LIMCH1: variants seen among roughly 807,000 people sequenced by gnomAD.
The protein encoded by LIMCH1 is LIM and calponin homology domains-containing protein 1.
In LIMCH1, 113 loss-of-function variants were observed where a neutral mutation model predicts 176.5. The observed-to-expected ratio is 0.64, with a 90% CI of 0.55 to 0.75. LIMCH1 has a LOEUF of 0.75. Ranked by LOEUF, LIMCH1 falls within the 30% of genes least tolerant of loss-of-function variation. LIMCH1 has a pLI of 0.00. For synonymous variants in LIMCH1, 619 were observed against 645.9 expected, an observed-to-expected ratio of 0.96 and a Z score of 0.63; for missense variants, 1,674 against 1,814.9, an observed-to-expected ratio of 0.92 and a Z score of 1.41.
Position 41,620,603 on chromosome 4 carries a change from A to C in LIMCH1, c.638A>C (p.Glu213Ala). The change falls in exon 7 of 32, where the codon GAA becomes GCA. Residue 213 changes from glutamate (E) to alanine (A), a missense_variant. By Grantham distance (107) the Glu-to-Ala change is moderately radical (BLOSUM62 -1). This residue lies in a region of LIMCH1 where 655 missense variants were observed against 692.2 expected (regional missense o/e 0.95). Transcript: ENST00000503057. Reference sequence around the variant, plus strand: ...GTGGTGGCACCAGCTCCCAAGTCTGAAGAAAAAGATGCTGCTGAGATCCAA... The same window carrying C: ...GTGGTGGCACCAGCTCCCAAGTCTGCAGAAAAAGATGCTGCTGAGATCCAA... ...GAVVAPAPKS[E>A]EKDAAEIQKR... The C allele has an allele frequency of 6.5e-7, 1 of 1,536,204 alleles. No individual in the cohort carries two copies. The highest frequency in any genetic ancestry group is 2.4e-5 in the East Asian group (1 of 40,910).
At chr4:41,433,071 A>G (rs1475436160) in intron 1 of LIMCH1, among the ~76,000 whole-genome samples, 1 of 152,256 alleles carries the variant, frequency 6.6e-6, no homozygotes, top group African/African-American at 2.4e-5. Context: ...TTTGCATATC[A>G]CATTCTCTTA....
intron 21 of LIMCH1, among the ~76,000 whole-genome samples, chr4:41,668,878 G>A (rs1358062541): frequency 2.0e-5 from 3 of 152,090 alleles, no homozygotes; most frequent in African/African-American, 4.8e-5. Flanking sequence ...CTTGTGTAGG[G>A]AAACTTCCCT....
chr4:41,626,578 A>G, intron 7 of LIMCH1, 130 bp from the exon 8 acceptor site: 1 of 774,058 alleles, frequency 1.3e-6, no homozygotes, highest in Non-Finnish European at 2.0e-6. Flanking sequence ...TGAAATAATG[A>G]ACAGATGTCA....
chr4:41,467,835 G>A (rs62411128), intron 1 of LIMCH1, among the ~76,000 whole-genome samples: 16,541 of 152,248 alleles, frequency 0.11, 980 homozygotes, highest in African/African-American at 0.15. Context: ...CATTGTGCTT[G>A]TAGGTACCCC....
chr4:41,613,232 A>T (rs200610368), intron 4 of LIMCH1: 4 of 858,874 alleles, frequency 4.7e-6, no homozygotes, highest in African/African-American at 1.7e-5. Flanking sequence ...TTATTTGGGG[A>T]TTTTTTTAAA....
chr4:41,626,766 A>G lies in LIMCH1; in HGVS notation c.784A>G (p.Asn262Asp). The change falls in exon 8 of 32, where the codon AAC (asparagine) becomes GAC (aspartate). Residue 262 changes from asparagine to aspartate, a missense_variant. Physicochemically the swap from Asn to Asp is conservative, Grantham distance 23 (BLOSUM62 1). Transcript: ENST00000503057. Reference sequence around the variant, plus strand: ...TCGTGATATTGTCCTTCGCAAAGAAAACTCTTTCCTGACCCACCAACATGG... The same window carrying G: ...TCGTGATATTGTCCTTCGCAAAGAAGACTCTTTCCTGACCCACCAACATGG... ...AIRDIVLRKENSFLTHQHGND... is the reference protein window; with the variant it reads ...AIRDIVLRKEDSFLTHQHGND... The G allele has an allele frequency of 6.5e-7, 1 of 1,536,430 alleles. No homozygotes were observed. The highest frequency in any genetic ancestry group is 8.7e-7 in the Non-Finnish European group (1 of 1,146,978).
chr4:41,507,497 C>T (rs760822981), intron 2 of LIMCH1, among the ~76,000 whole-genome samples: 8 of 152,122 alleles, frequency 5.3e-5, no homozygotes, highest in Non-Finnish European at 8.8e-5. Flanking sequence ...AGGAGTTCTG[C>T]GTCAGCAACT....
chr4:41,649,994 T>A (rs2094222168), intron 17 of LIMCH1, among the ~76,000 whole-genome samples: 2 of 152,208 alleles, frequency 1.3e-5, no homozygotes, highest in African/African-American at 4.8e-5. Context: ...TCCGCCTCAT[T>A]TATATGCTAT....
chr4:41,596,768 C>A (rs2088909152), intron 1 of LIMCH1, among the ~76,000 whole-genome samples: 1 of 152,098 alleles, frequency 6.6e-6, no homozygotes, highest in Non-Finnish European at 1.5e-5. Flanking sequence ...TGGAAAGTAA[C>A]CGAAGGAGAA....
intron 2 of LIMCH1, among the ~76,000 whole-genome samples, chr4:41,505,588 T>C (rs1369683409): frequency 6.6e-6 from 1 of 152,118 alleles, no homozygotes; most frequent in Non-Finnish European, 1.5e-5. Context: ...TCTGTTGTGG[T>C]TTTCTTCTCT....
intron 1 of LIMCH1, among the ~76,000 whole-genome samples, chr4:41,371,369 A>G (rs958382500): frequency 6.6e-6 from 1 of 152,220 alleles, no homozygotes; most frequent in Non-Finnish European, 1.5e-5. Flanking sequence ...GACCATGATG[A>G]AAAATCATTA....
At position 41,697,268 on chromosome 4, in the gene LIMCH1, AG is replaced by A. The variant is rs1365918142; in HGVS notation, c.*87del. 3.8e-6 allele frequency: 5 copies of A among 1,302,056 alleles called. No individual in the cohort carries two copies. The African/African-American group carries it at 7.3e-5, about 19-fold the overall frequency. 80.7% of individuals were successfully genotyped at this position (1,302,056 alleles called of 1,614,324 possible). A position where few individuals can be genotyped will look rare whatever the true frequency, so the allele number is the denominator to read the frequency against. ...AACTGCTTAACAAAATCCCAAGCTC[AG>A]GGGCTTCTCAGCATTTACCTAATTT... On this transcript the variant is annotated 3_prime_UTR_variant, in exon 32 of 32. Transcript: ENST00000503057.
At chr4:41,389,367 C>T (rs181253991) in intron 1 of LIMCH1, 1 of 157,806 alleles carries the variant, frequency 6.3e-6, no homozygotes, top group East Asian at 1.8e-4. Context: ...AAGAAACCAT[C>T]AACAGATGGA....
intron 1 of LIMCH1, among the ~76,000 whole-genome samples, chr4:41,455,420 T>G (rs1473639960): frequency 6.6e-6 from 1 of 151,834 alleles, no homozygotes; most frequent in Non-Finnish European, 1.5e-5. Context: ...CTCAGCTGGG[T>G]TTTTACAAGT....
intron 1 of LIMCH1, among the ~76,000 whole-genome samples, chr4:41,407,457 TG>T (rs1350929720): frequency 1.3e-5 from 2 of 152,182 alleles, no homozygotes; most frequent in Non-Finnish European, 2.9e-5. Context: ...CTCAAACTCC[TG>T]GGCTCAAGTG....
At chr4:41,467,154 T>TACACACAC (rs1291076497) in intron 1 of LIMCH1, among the ~76,000 whole-genome samples, 1 of 92,844 alleles carries the variant, frequency 1.1e-5, no homozygotes, top group African/African-American at 6.0e-5. Flanking sequence ...TGTGTATGTA[T>TACACACAC]ATATACACAC....
chr4:41,486,473 G>A (rs13134348), intron 1 of LIMCH1, among the ~76,000 whole-genome samples: 30,071 of 152,140 alleles, frequency 0.2, 3,179 homozygotes, highest in South Asian at 0.32. Context: ...GGCTTATGCT[G>A]TCATGAGGGG....
intron 17 of LIMCH1, among the ~76,000 whole-genome samples, chr4:41,649,839 T>C (rs2094215615): frequency 6.6e-6 from 1 of 152,178 alleles, no homozygotes; most frequent in South Asian, 2.1e-4. Context: ...AAATGGAGGT[T>C]ATAAAAGTAA....
In LIMCH1 at chr4:41,697,389, A is replaced by G. The variant is rs1731453590; in HGVS notation, c.*204A>G. ...GTTTTGGTTTTTTTTTTTTTTTTGC[A>G]TTTGCACAGTATACACAAAAGAATA... On this transcript the variant is annotated 3_prime_UTR_variant, in exon 32 of 32. Coordinates refer to ENST00000503057, the MANE Select transcript of LIMCH1 (RefSeq NM_001330672.2). 1 of 523,366 alleles carries G rather than the reference A, an allele frequency of 1.9e-6. No individual in the cohort carries two copies. 32.4% of individuals were successfully genotyped at this position (523,366 alleles called of 1,614,324 possible).
Sources: allele counts gnomAD v4.1 joint callset (sites outside exome capture counted in the v4.1 genomes callset), GRCh38; gene constraint gnomAD v4.1.1; regional missense constraint gnomAD v4.1.1; transcripts MANE v1.5; gene names NCBI Gene and HGNC (gene_info 2026-07-23, HGNC 2026-07-21).